ZNF101: variants seen among roughly 807,000 people sequenced by gnomAD.
ZNF101 encodes the protein zinc finger protein 101 (Y2).
A neutral mutation model predicts 42.6 loss-of-function variants in ZNF101; 34 were observed. The ratio of observed to expected loss-of-function variants is 0.80; its 90% confidence interval spans 0.61 to 1.06. ZNF101 has a LOEUF of 1.06. Among genes scored for constraint, ZNF101 ranks in the 50% least tolerant of loss-of-function variants. The pLI is 0.00. For synonymous variants in ZNF101, 158 were observed against 183.9 expected, an observed-to-expected ratio of 0.86 and a Z score of 1.14; for missense variants, 466 against 530.9, an observed-to-expected ratio of 0.88 and a Z score of 1.20.
At chr19:19,673,338 C>T (rs1247174312) in intron 1 of ZNF101, among the ~76,000 whole-genome samples, 1 of 150,484 alleles carries the variant, frequency 6.6e-6, no homozygotes, top group Non-Finnish European at 1.5e-5. Context: ...CAACCTCCAC[C>T]TTCTGGGTTC....
At chr19:19,673,643 T>G (rs1304508753) in intron 1 of ZNF101, among the ~76,000 whole-genome samples, 1 of 151,428 alleles carries the variant, frequency 6.6e-6, no homozygotes, top group Admixed American at 6.6e-5. Flanking sequence ...AGTGTACAAG[T>G]AGTCTTTCGA....
Position 19,679,735 on chromosome 19 carries a change from G to A in ZNF101, c.746G>A (p.Gly249Glu). ...LFQIHVRTHT[G>E]EKPYKCKQCG... is the part of the protein sequence containing the mutation. ...CAAATTCATGTTAGAACTCACACTG[G>A]AGAAAAACCTTACAAATGTAAACAA... is the stretch of plus-strand genomic sequence containing the variant. The change falls in exon 4 of 4, where the codon GGA (glycine) becomes GAA (glutamate). Residue 249 changes from glycine (G) to glutamate (E), a missense_variant. Transcript: ENST00000592502. 6.2e-7 allele frequency: 1 copy of A among 1,614,074 alleles called. No individual in the cohort carries two copies. The highest frequency in any genetic ancestry group is 8.5e-7 in the Non-Finnish European group (1 of 1,179,980).
intron 1 of ZNF101, 107 bp from the exon 2 acceptor site, chr19:19,677,757 G>T: frequency 6.7e-7 from 1 of 1,491,392 alleles, no homozygotes; most frequent in South Asian, 1.2e-5. Context: ...CTCAATCATG[G>T]AGTGAGTGTT....
Position 19,679,318 on chromosome 19 carries a change from T to G in ZNF101, c.329T>G (p.Val110Gly). 1.9e-6 allele frequency: 3 copies of G among 1,614,034 alleles called. No individual in the cohort carries two copies. The highest frequency in any genetic ancestry group is 2.5e-6 in the Non-Finnish European group (3 of 1,180,008). Residue 110 changes from valine to glycine, a missense_variant, in exon 4 of 4, where the codon GTC becomes GGC. Coordinates refer to ENST00000592502, the MANE Select transcript of ZNF101 (RefSeq NM_033204.4). ...KPCKCSVCGK[V>G]FLRHSFLDRH... ...TGCAAATGCAGCGTGTGTGGGAAAG[T>G]CTTCCTCCGTCATTCATTCCTGGAC...
chr19:19,672,819 G>A (rs2062179102), intron 1 of ZNF101, among the ~76,000 whole-genome samples: 1 of 152,062 alleles, frequency 6.6e-6, no homozygotes, highest in Non-Finnish European at 1.5e-5. Context: ...GAGCCACTGT[G>A]ACTGGCTGGT....
rs781162135 is a variant in ZNF101 at position 19,679,320 on chromosome 19, T to G, written c.331T>G (p.Phe111Val). Residue 111 changes from phenylalanine (F) to valine (V), a missense_variant, in exon 4 of 4, where the codon TTC (phenylalanine) becomes GTC (valine). Phe to Val is a conservative substitution (Grantham distance 50). Coordinates refer to ENST00000592502, the MANE Select transcript of ZNF101 (RefSeq NM_033204.4). The stretch of plus-strand genomic sequence containing the variant: ...CAAATGCAGCGTGTGTGGGAAAGTC[T>G]TCCTCCGTCATTCATTCCTGGACAG... The part of the protein sequence containing the change: ...PCKCSVCGKV[F>V]LRHSFLDRHM... 3.1e-6 allele frequency: 5 copies of G among 1,614,000 alleles called. No individual in the cohort carries two copies. The highest frequency in any genetic ancestry group is 4.2e-6 in the Non-Finnish European group (5 of 1,180,026).
At chr19:19,668,221 A>G (rs1254972598), upstream of ZNF101, among the ~76,000 whole-genome samples, 2 of 152,068 alleles carry the variant, frequency 1.3e-5, no homozygotes, top group Non-Finnish European at 2.9e-5. Context: ...AGTTTTATTA[A>G]CCTGCTGGGC....
chr19:19,677,745 G>GTTAAA, intron 1 of ZNF101, 119 bp from the exon 2 acceptor site: 1 of 1,414,614 alleles, frequency 7.1e-7, no homozygotes, highest in Non-Finnish European at 9.5e-7. Context: ...GGAGGCCGAT[G>GTTAAA]ACTCAATCAT....
chr19:19,678,847 A>G, intron 3 of ZNF101, 61 bp downstream of exon 3: 1 of 1,444,910 alleles, frequency 6.9e-7, no homozygotes, highest in Non-Finnish European at 9.5e-7. Context: ...GGTCAGGAAA[A>G]TTTTTAAAAA....
chr19:19,670,682 G>A (rs1242797143), intron 1 of ZNF101, among the ~76,000 whole-genome samples: 1 of 152,092 alleles, frequency 6.6e-6, no homozygotes, highest in Non-Finnish European at 1.5e-5. Flanking sequence ...ACCTGAACCC[G>A]GGGAGGTTGA....
chr19:19,679,450 G>A lies in ZNF101; in HGVS notation c.461G>A (p.Ser154Asn). 1 of 1,614,096 alleles carries A rather than the reference G, an allele frequency of 6.2e-7. No homozygotes were observed. Among genetic ancestry groups the A allele is most frequent in the Non-Finnish European group, 8.5e-7 (1 of 1,180,030 alleles). ...CATGGGAAAGCCTCCATTTCCCCCA[G>A]TAGTGGTGCACGGCGCACAGTAACA... is the stretch of plus-strand genomic sequence containing the variant. ...KQHGKASISP[S>N]SGARRTVTPT... Residue 154 changes from serine (S) to asparagine (N), a missense_variant, in exon 4 of 4, where the codon AGT becomes AAT. Coordinates refer to ENST00000592502, the MANE Select transcript of ZNF101 (RefSeq NM_033204.4).
chr19:19,674,803 C>T (rs1356354757), intron 1 of ZNF101, among the ~76,000 whole-genome samples: 2 of 151,910 alleles, frequency 1.3e-5, no homozygotes, highest in Non-Finnish European at 2.9e-5. Flanking sequence ...GTTTTGTATT[C>T]GTTGAGGTTT....
chr19:19,676,355 T>A (rs1315495023), intron 1 of ZNF101: 2 of 152,126 alleles, frequency 1.3e-5, no homozygotes, highest in East Asian at 3.9e-4. Flanking sequence ...TGACCTCAAG[T>A]GGTCCACCCT....
chr19:19,671,124 A>G (rs1381813895), intron 1 of ZNF101, among the ~76,000 whole-genome samples: 2 of 152,146 alleles, frequency 1.3e-5, no homozygotes, highest in African/African-American at 4.8e-5. Context: ...ACATAATAAA[A>G]AAAGGCATGG....
intron 1 of ZNF101, among the ~76,000 whole-genome samples, chr19:19,673,612 C>T (rs146585091): frequency 2.0e-5 from 3 of 151,134 alleles, no homozygotes; most frequent in Non-Finnish European, 4.4e-5. Flanking sequence ...TAATTTCATT[C>T]AGCAACATTT....
rs1231727221 is a variant in ZNF101, at chr19:19,679,309, G to A, written c.320G>A (p.Cys107Tyr). 2 of 1,614,050 alleles carry A rather than the reference G, an allele frequency of 1.2e-6. No homozygotes were observed. Among genetic ancestry groups the A allele is most frequent in the African/African-American group, 1.3e-5 (1 of 74,914 alleles). The change falls in exon 4 of 4, where the codon TGT (cysteine) becomes TAT (tyrosine). Residue 107 changes from cysteine (C) to tyrosine (Y), a missense_variant. Physicochemically the swap from Cys to Tyr is radical, Grantham distance 194 (BLOSUM62 -2). Transcript: ENST00000592502. ...GTGAAACCATGCAAATGCAGCGTGT[G>A]TGGGAAAGTCTTCCTCCGTCATTCA... is the stretch of plus-strand genomic sequence containing the variant. ...TGVKPCKCSV[C>Y]GKVFLRHSFL... is the part of the protein sequence containing the mutation.
Position 19,679,995 on chromosome 19 carries a change from A to C in ZNF101, c.1006A>C (p.Arg336=). The C allele has an allele frequency of 6.2e-7, 1 of 1,614,058 alleles. No individual in the cohort carries two copies. Among genetic ancestry groups the C allele is most frequent in the Non-Finnish European group, 8.5e-7 (1 of 1,179,994 alleles). ...QAHERAHTGE[R]PYECNKCGKT... ...ACATGAAAGAGCTCACACTGGAGAA[A>C]GACCTTATGAATGTAATAAATGTGG... The change falls in exon 4 of 4, where the codon AGA becomes CGA. Residue 336 remains arginine, a synonymous_variant. Transcript: ENST00000592502.
Position 19,680,004 on chromosome 19 carries a change from G to A in ZNF101, c.1015G>A (p.Glu339Lys). The change falls in exon 4 of 4, where the codon GAA becomes AAA. Residue 339 changes from glutamate (E) to lysine (K), a missense_variant. By Grantham distance (56) the Glu-to-Lys change is moderately conservative. Coordinates refer to ENST00000592502, the MANE Select transcript of ZNF101 (RefSeq NM_033204.4). Reference sequence around the variant, plus strand: ...AGCTCACACTGGAGAAAGACCTTATGAATGTAATAAATGTGGTAAAACCTT... The same window carrying A: ...AGCTCACACTGGAGAAAGACCTTATAAATGTAATAAATGTGGTAAAACCTT... Reference protein sequence around the residue: ...ERAHTGERPYECNKCGKTFNY... With the variant: ...ERAHTGERPYKCNKCGKTFNY... 6.2e-7 allele frequency: 1 copy of A among 1,614,020 alleles called. No individual in the cohort carries two copies. Among genetic ancestry groups the A allele is most frequent in the East Asian group, 2.2e-5 (1 of 44,890 alleles).
chr19:19,677,837 C>G (rs2062211622), intron 1 of ZNF101, 27 bp from the exon 2 acceptor site: 1 of 1,606,056 alleles, frequency 6.2e-7, no homozygotes, highest in Non-Finnish European at 8.5e-7. Flanking sequence ...CTCACCCCTC[C>G]TCCTCCACAC....
Sources: gnomAD v4.1 joint callset for allele counts (sites outside exome capture counted in the v4.1 genomes callset) on GRCh38, gnomAD v4.1.1 for gene constraint, MANE v1.5 for transcripts, NCBI Gene and HGNC (gene_info 2026-07-23, HGNC 2026-07-21) for gene names.